Variants in MYO5A observed in about 807,000 individuals in gnomAD.
The protein encoded by MYO5A is myosin VA.
Under a neutral mutation model 249.7 loss-of-function variants are expected in MYO5A, and 98 were observed. The observed-to-expected ratio is 0.39, with a 90% CI of 0.33 to 0.46. MYO5A has a LOEUF of 0.46. MYO5A is among the 20% of genes least tolerant of loss of function. The pLI is 0.98. For synonymous variants in MYO5A, 778 were observed against 810.6 expected (o/e 0.96, Z 0.68); for missense variants, 1,696 against 2,308.8 (o/e 0.73, Z 5.44).
At chr15:52,499,574 G>A (rs540554354) in intron 1 of MYO5A, among the ~76,000 whole-genome samples, 130 of 152,250 alleles carry the variant, frequency 8.5e-4, no homozygotes, top group African/African-American at 2.9e-3. Context: ...CATGTAAGTA[G>A]AATCACACAG....
intron 24 of MYO5A, among the ~76,000 whole-genome samples, chr15:52,363,128 C>A (rs530084666): frequency 6.6e-6 from 1 of 152,114 alleles, no homozygotes; most frequent in Non-Finnish European, 1.5e-5. Flanking sequence ...ATAACTGAAA[C>A]AGAGATTAAC....
intron 1 of MYO5A, among the ~76,000 whole-genome samples, chr15:52,479,350 A>C (rs1310362418): frequency 6.6e-6 from 1 of 152,164 alleles, no homozygotes; most frequent in Non-Finnish European, 1.5e-5. Context: ...GTATTTACGT[A>C]TACTTTATGT....
intron 25 of MYO5A, among the ~76,000 whole-genome samples, chr15:52,356,388 A>G (rs187963099): frequency 6.6e-6 from 1 of 152,128 alleles, no homozygotes; most frequent in Non-Finnish European, 1.5e-5. Context: ...ATTTTTTCTT[A>G]GTCTTTTTCT....
chr15:52,328,023 A>T lies in MYO5A; in HGVS notation c.4556-17T>A, dbSNP rs200259744. The T allele has an allele frequency of 2.5e-6, 4 of 1,601,294 alleles. No homozygotes were observed. Among genetic ancestry groups the T allele is most frequent in the Non-Finnish European group, 3.4e-6 (4 of 1,170,148 alleles). On this transcript the variant is annotated splice_polypyrimidine_tract_variant and intron_variant, in intron 35 of 41. Coordinates refer to ENST00000399233, the MANE Select transcript of MYO5A (RefSeq NM_001382347.1). The stretch of plus-strand genomic sequence containing the variant: ...GCTTCAGTTCTAAAAAAGAAAAAAT[A>T]ATAATTTTATATAACATGGAAAATT...
At chr15:52,456,214 T>G (rs1310039274) in intron 1 of MYO5A, among the ~76,000 whole-genome samples, 2 of 151,930 alleles carry the variant, frequency 1.3e-5, no homozygotes, top group Non-Finnish European at 2.9e-5. Flanking sequence ...CATTCACAAC[T>G]GCTACAAATA....
chr15:52,348,862 G>GA, intron 28 of MYO5A, 36 bp from the exon 29 acceptor site: 1 of 1,600,108 alleles, frequency 6.2e-7, no homozygotes, highest in Non-Finnish European at 8.5e-7. Flanking sequence ...AAAAAACAGA[G>GA]AAAACAATAA....
intron 1 of MYO5A, among the ~76,000 whole-genome samples, chr15:52,489,359 T>A (rs1033052595): frequency 6.6e-6 from 1 of 150,736 alleles, no homozygotes; most frequent in African/African-American, 2.4e-5. Flanking sequence ...GGTCAGGAGA[T>A]CAAGACCATC....
At chr15:52,343,008 C>T in intron 31 of MYO5A, 109 bp downstream of exon 31, 1 of 884,358 alleles carries the variant, frequency 1.1e-6, no homozygotes. Context: ...CTAATTTACC[C>T]AAGAAGACAA....
Position 52,309,751 on chromosome 15 carries a change from T to G in MYO5A, c.*3945A>C, listed in dbSNP as rs1428488471. 1.3e-5 allele frequency: 2 copies of G among 152,146 alleles called. No individual in the cohort carries two copies. The highest frequency in any genetic ancestry group is 2.9e-5 in the Non-Finnish European group (2 of 68,018). 9.4% of individuals were successfully genotyped at this position (152,146 alleles called of 1,614,324 possible). A position where few individuals can be genotyped will look rare whatever the true frequency, so the allele number is the denominator to read the frequency against. The stretch of plus-strand genomic sequence containing the variant: ...ATTACTTTCAACAGGATGCACTAGT[T>G]TTGGCTCTGTTTTATCACTAAGCAG... On this transcript the variant is annotated 3_prime_UTR_variant, in exon 42 of 42. Coordinates refer to ENST00000399233, the MANE Select transcript of MYO5A (RefSeq NM_001382347.1).
intron 1 of MYO5A, among the ~76,000 whole-genome samples, chr15:52,522,489 C>T (rs2077643096): frequency 6.6e-6 from 1 of 152,120 alleles, no homozygotes. Context: ...AGTGGAATTG[C>T]TCACATAATA....
At position 52,330,016 on chromosome 15, in the gene MYO5A, T is replaced by C. The variant is rs534807518; in HGVS notation, c.4555+337A>G. On this transcript the variant is annotated intron_variant, in intron 35 of 41. Transcript: ENST00000399233. Reference sequence around the variant, plus strand: ...TTTTTTTTTTTTAAAGTACTAGACATTGCCAGGCTCTTCTCTCTAGAGATT... The same window carrying C: ...TTTTTTTTTTTTAAAGTACTAGACACTGCCAGGCTCTTCTCTCTAGAGATT... Among the ~76,000 whole-genome samples, 30 of 148,786 alleles carry C rather than the reference T, an allele frequency of 2.0e-4. No individual in the cohort carries two copies. The South Asian group carries it at 2.4e-3, about 12-fold the overall frequency.
At chr15:52,444,555 C>G (rs184345477) in intron 1 of MYO5A, among the ~76,000 whole-genome samples, 3 of 152,064 alleles carry the variant, frequency 2.0e-5, no homozygotes, top group East Asian at 1.9e-4. Context: ...GAATTCAAAC[C>G]GAGAAAGATC....
At position 52,492,205 on chromosome 15, in the gene MYO5A, T is replaced by C. The variant is rs375067237; in HGVS notation, c.27+36575A>G. ...CCCAGACCACACCCAGGTTTGGTGA[T>C]TTGGTAGGAGGGTTCACAAGACTCA... On this transcript the variant is annotated intron_variant, in intron 1 of 41. Coordinates refer to ENST00000399233, the MANE Select transcript of MYO5A (RefSeq NM_001382347.1). 4.9e-4 allele frequency among the ~76,000 whole-genome samples: 75 copies of C among 152,294 alleles called. 2 individuals carry two copies. In the South Asian group the frequency reaches 0.015, roughly 30 times the overall value.
chr15:52,363,592 G>C (rs2040651153), intron 24 of MYO5A, among the ~76,000 whole-genome samples: 1 of 152,184 alleles, frequency 6.6e-6, no homozygotes, highest in African/African-American at 2.4e-5. Flanking sequence ...GGTCCAGATA[G>C]AAGCAAAATT....
rs2140902441 is a variant in MYO5A at position 52,312,406 on chromosome 15, A to G, written c.*1290T>C. ...AAGGCAGTGTCTCTCTCTGTCACCC[A>G]GGCTGGAGTGCAGTGGTTCGATCTC... is the stretch of plus-strand genomic sequence containing the variant. On this transcript the variant is annotated 3_prime_UTR_variant, in exon 42 of 42. Transcript: ENST00000399233. The G allele has an allele frequency of 6.6e-6, 1 of 152,322 alleles. No individual in the cohort carries two copies. Among genetic ancestry groups the G allele is most frequent in the African/African-American group, 2.4e-5 (1 of 41,570 alleles). 9.4% of individuals were successfully genotyped at this position (152,322 alleles called of 1,614,324 possible). A position where few individuals can be genotyped will look rare whatever the true frequency, so the allele number is the denominator to read the frequency against.
rs1365382820 is a variant in MYO5A at position 52,351,402 on chromosome 15, G to A, written c.3701C>T (p.Ala1234Val). The A allele has an allele frequency of 2.5e-6, 4 of 1,614,202 alleles. No homozygotes were observed. Among genetic ancestry groups the A allele is most frequent in the Non-Finnish European group, 1.7e-6 (2 of 1,180,014 alleles). The change falls in exon 28 of 42, where the codon GCC becomes GTC. Residue 1234 changes from alanine to valine, a missense_variant. Around this residue, in one of 5 missense-constraint regions of MYO5A, gnomAD observed 625 missense variants for 908.1 expected, o/e 0.69. Transcript: ENST00000399233. ...TGCACCTGGGGCGGTCACCTCTGGG[G>A]CACTTTTCTCACTGAGGGCCTTGCG... ...ELRKALSEKS[A>V]PEVTAPGAPA...
chr15:52,496,742 G>T (rs1383472388), intron 1 of MYO5A, among the ~76,000 whole-genome samples: 1 of 152,198 alleles, frequency 6.6e-6, no homozygotes, highest in Non-Finnish European at 1.5e-5. Context: ...GACTATTGAT[G>T]ACTCAACACT....
At chr15:52,402,261 A>C (rs1420223849) in intron 9 of MYO5A, among the ~76,000 whole-genome samples, 3 of 152,090 alleles carry the variant, frequency 2.0e-5, no homozygotes, top group African/African-American at 4.8e-5. Context: ...TGTTGTTATA[A>C]ATTTTTAGGG....
intron 1 of MYO5A, among the ~76,000 whole-genome samples, chr15:52,517,968 GA>G (rs1285784593): frequency 6.6e-6 from 1 of 151,312 alleles, no homozygotes; most frequent in East Asian, 1.9e-4. Flanking sequence ...TCTACAAGCA[GA>G]AAAAAAATGC....
Sources: gnomAD v4.1 joint callset for allele counts (sites outside exome capture counted in the v4.1 genomes callset) on GRCh38, gnomAD v4.1.1 for gene constraint, gnomAD v4.1.1 regional missense constraint, MANE v1.5 for transcripts, NCBI Gene and HGNC (gene_info 2026-07-23, HGNC 2026-07-21) for gene names.